B3GALT5: variants seen among roughly 807,000 people sequenced by gnomAD.
The protein encoded by B3GALT5 is beta-1,3-galactosyltransferase 5, also known as UDP-Gal:betaGlcNAc beta 1,3-galactosyltransferase, polypeptide 5.
For missense variants in B3GALT5, 328 were observed against 396.6 expected, an observed-to-expected ratio of 0.83 and a Z score of 1.47; for synonymous variants, 156 against 158.6, an observed-to-expected ratio of 0.98 and a Z score of 0.12.
At chr21:39,643,664 A>G (rs1004302099) in intron 1 of B3GALT5, among the ~76,000 whole-genome samples, 3 of 152,166 alleles carry the variant, frequency 2.0e-5, no homozygotes, top group Non-Finnish European at 2.9e-5. Context: ...TTCCTTCCCA[A>G]GTTTTGAAGC....
At chr21:39,614,815 T>C (rs1458220043) in intron 1 of B3GALT5, among the ~76,000 whole-genome samples, 2 of 152,172 alleles carry the variant, frequency 1.3e-5, no homozygotes, top group East Asian at 3.9e-4. Context: ...TGCATGCTTG[T>C]CCATTTAACT....
intron 1 of B3GALT5, among the ~76,000 whole-genome samples, chr21:39,617,528 A>C (rs992427902): frequency 6.6e-6 from 1 of 152,202 alleles, no homozygotes; most frequent in Non-Finnish European, 1.5e-5. Flanking sequence ...AGATCTCATG[A>C]GAATTCTCTC....
chr21:39,657,164 C>T (rs1201196531), intron 2 of B3GALT5, among the ~76,000 whole-genome samples: 9 of 152,194 alleles, frequency 5.9e-5, no homozygotes, highest in Admixed American at 5.9e-4. Context: ...GTGATGGTTA[C>T]TTTTAGGTGT....
rs768256963 is a variant in B3GALT5 at position 39,666,353 on chromosome 21, G to A, written c.*4861G>A. 3 of 152,584 alleles carry A rather than the reference G, an allele frequency of 2.0e-5. No individual in the cohort carries two copies. Among genetic ancestry groups the A allele is most frequent in the Non-Finnish European group, 4.4e-5 (3 of 68,256 alleles). 9.5% of individuals were successfully genotyped at this position (152,584 alleles called of 1,614,324 possible). A position where few individuals can be genotyped will look rare whatever the true frequency, so the allele number is the denominator to read the frequency against. On this transcript the variant is annotated 3_prime_UTR_variant, in exon 4 of 4. Coordinates refer to ENST00000684187, the MANE Select transcript of B3GALT5 (RefSeq NM_001356336.2). ...AGAGTCTCACTCTGTCACCTAGGCT[G>A]AAGTGCAGTGGTGCAGTCTTGGATC...
rs116332300 is a variant in B3GALT5 at position 39,657,570 on chromosome 21, C to T, written c.-160-2183C>T. 4.2e-3 allele frequency: 966 copies of T among 227,902 alleles called. 10 individuals carry two copies. The highest frequency in any genetic ancestry group is 0.021 in the African/African-American group (915 of 44,340). 14.1% of individuals were successfully genotyped at this position (227,902 alleles called of 1,614,324 possible). ...GGACTGAGCCACACTCCTGGCATCC[C>T]AGCGTCTCCAGCTTGCATGGCCTGT... On this transcript the variant is annotated intron_variant, in intron 2 of 3. Coordinates refer to ENST00000684187, the MANE Select transcript of B3GALT5 (RefSeq NM_001356336.2).
chr21:39,646,978 G>C (rs1433737412), intron 2 of B3GALT5, among the ~76,000 whole-genome samples: 1 of 152,128 alleles, frequency 6.6e-6, no homozygotes, highest in Non-Finnish European at 1.5e-5. Context: ...GTGCATGCCT[G>C]TAGTCCCAGC....
chr21:39,649,046 A>G (rs2079369258), intron 2 of B3GALT5, among the ~76,000 whole-genome samples: 1 of 152,192 alleles, frequency 6.6e-6, no homozygotes, highest in Non-Finnish European at 1.5e-5. Flanking sequence ...CGAGGTGACT[A>G]AGACAATCCT....
rs1331461897 is a variant in B3GALT5, at chr21:39,639,339, TTTCTTTCTTTCCTTCC to T, written c.-391-7049_-391-7034del. On this transcript the variant is annotated intron_variant, in intron 1 of 3. Coordinates refer to ENST00000684187, the MANE Select transcript of B3GALT5 (RefSeq NM_001356336.2). The stretch of plus-strand genomic sequence containing the variant: ...CTTTCTTTCTTTCTTTCTTTCTTTC[TTTCTTTCTTTCCTTCC>T]TTCCTTCCTTCCTTCCTTCCTTCCT... Among the ~76,000 whole-genome samples, 34 of 108,290 alleles carry T rather than the reference TTTCTTTCTTTCCTTCC, an allele frequency of 3.1e-4. No individual in the cohort carries two copies. The East Asian group carries it at 5.6e-3, about 18-fold the overall frequency. The allele number at this position is 108,290 out of a possible 152,430, so 71.0% of individuals were successfully genotyped here.
chr21:39,656,096 C>T (rs1032193744), intron 2 of B3GALT5, among the ~76,000 whole-genome samples: 9 of 152,198 alleles, frequency 5.9e-5, no homozygotes, highest in Admixed American at 3.3e-4. Context: ...TCCTGGGCCC[C>T]AGACCTGCCA....
intron 1 of B3GALT5, among the ~76,000 whole-genome samples, chr21:39,639,143 A>G (rs1192901877): frequency 6.6e-6 from 1 of 152,128 alleles, no homozygotes; most frequent in Non-Finnish European, 1.5e-5. Flanking sequence ...AAACTAACAG[A>G]ACAGGTCATA....
rs1011521236 is a variant in B3GALT5, at chr21:39,646,518, C to T, written c.-265C>T. 2 of 152,096 alleles carry T rather than the reference C, an allele frequency of 1.3e-5. No homozygotes were observed. Among genetic ancestry groups the T allele is most frequent in the Non-Finnish European group, 2.9e-5 (2 of 68,028 alleles). The allele number at this position is 152,096 out of a possible 1,614,324, so 9.4% of individuals were successfully genotyped here. On this transcript the variant is annotated 5_prime_UTR_variant, in exon 2 of 4. It introduces an in-frame stop codon into an upstream open reading frame of the 5' UTR. Coordinates refer to ENST00000684187, the MANE Select transcript of B3GALT5 (RefSeq NM_001356336.2). ...CAGCTTCATTTCTCATTTGTTCATT[C>T]GAAAGTCTCCACTGGGCTTCTGAGT...
At chr21:39,638,142 G>A (rs541698887) in intron 1 of B3GALT5, among the ~76,000 whole-genome samples, 13 of 152,264 alleles carry the variant, frequency 8.5e-5, no homozygotes, top group African/African-American at 3.1e-4. Flanking sequence ...GTGGTCCCTG[G>A]TTAGGGCTCC....
chr21:39,615,279 C>G (rs374169925), intron 1 of B3GALT5, among the ~76,000 whole-genome samples: 1 of 152,170 alleles, frequency 6.6e-6, no homozygotes. Flanking sequence ...CTTCTTTGCC[C>G]GTGGAAGGAG....
At chr21:39,636,148 T>C (rs2079226082) in intron 1 of B3GALT5, among the ~76,000 whole-genome samples, 1 of 152,228 alleles carries the variant, frequency 6.6e-6, no homozygotes, top group African/African-American at 2.4e-5. Flanking sequence ...TTCTCATCTT[T>C]AGAGCAGGGA....
At position 39,665,046 on chromosome 21, in the gene B3GALT5, C is replaced by G. The variant is rs2079566959; in HGVS notation, c.*3554C>G. 1 of 152,268 alleles carries G rather than the reference C, an allele frequency of 6.6e-6. No homozygotes were observed. The highest frequency in any genetic ancestry group is 1.5e-5 in the Non-Finnish European group (1 of 68,152). 9.4% of individuals were successfully genotyped at this position (152,268 alleles called of 1,614,324 possible). ...TCTTTCTTGCTCTTCAATCCACTGC[C>G]TACCTGATTTCCCATAGTGAACAAT... is the stretch of plus-strand genomic sequence containing the variant. On this transcript the variant is annotated 3_prime_UTR_variant, in exon 4 of 4. Transcript: ENST00000684187.
chr21:39,640,229 G>A (rs568727513), intron 1 of B3GALT5, among the ~76,000 whole-genome samples: 82 of 152,096 alleles, frequency 5.4e-4, no homozygotes, highest in Non-Finnish European at 8.4e-4. Flanking sequence ...CCACTGTGGA[G>A]CACATGCTTT....
chr21:39,625,848 A>G (rs2079160953), intron 1 of B3GALT5, among the ~76,000 whole-genome samples: 1 of 152,050 alleles, frequency 6.6e-6, no homozygotes, highest in Non-Finnish European at 1.5e-5. Context: ...TTTTATTCAT[A>G]GTTTTTTTGG....
At chr21:39,659,574 G>A (rs538127432) in intron 2 of B3GALT5, among the ~76,000 whole-genome samples, 179 bp from the exon 3 acceptor site, 1 of 152,286 alleles carries the variant, frequency 6.6e-6, no homozygotes, top group Non-Finnish European at 1.5e-5. Context: ...TGTGGACTTT[G>A]TTTGCCTTGA....
In B3GALT5 at chr21:39,620,618, T is replaced by C. The variant is rs183915808; in HGVS notation, c.-392+7551T>C. 3.2e-4 allele frequency among the ~76,000 whole-genome samples: 48 copies of C among 152,320 alleles called. No individual in the cohort carries two copies. The Middle Eastern group carries it at 0.01, about 32-fold the overall frequency. On this transcript the variant is annotated intron_variant, in intron 1 of 3. Transcript: ENST00000684187. ...AGCTAAAGGGATGTGTGCTGAGACA[T>C]TGAATTGCAGGTGCATGATTTCCCA...
Sources: allele counts gnomAD v4.1 joint callset (sites outside exome capture counted in the v4.1 genomes callset), GRCh38; gene constraint gnomAD v4.1.1; transcripts MANE v1.5; gene names NCBI Gene and HGNC (gene_info 2026-07-23, HGNC 2026-07-21).